Variants in HERPUD2 observed in about 807,000 individuals in gnomAD.
HERPUD2 encodes the protein HERPUD family member 2, also known as homocysteine-responsive endoplasmic reticulum-resident ubiquitin-like domain member 2 protein.
A neutral mutation model predicts 49.9 loss-of-function variants in HERPUD2; 13 were observed. The observed-to-expected ratio is 0.26, with a 90% CI of 0.17 to 0.41. HERPUD2 has a LOEUF of 0.41. Ranked by LOEUF, HERPUD2 falls within the 10% of genes least tolerant of loss-of-function variation. The pLI is 1.00. For synonymous variants in HERPUD2, 172 were observed against 171.4 expected (o/e 1.00, Z -0.03); for missense variants, 449 against 492.2 (o/e 0.91, Z 0.83).
At chr7:35,645,813 CATTTT>C in intron 5 of HERPUD2, among the ~76,000 whole-genome samples, 1 of 152,292 alleles carries the variant, frequency 6.6e-6, no homozygotes, top group South Asian at 2.1e-4. Flanking sequence ...TGTGTAAGCA[CATTTT>C]ATCTCTAGAA....
At chr7:35,645,484 T>C (rs530790168) in intron 5 of HERPUD2, among the ~76,000 whole-genome samples, 51 of 152,280 alleles carry the variant, frequency 3.3e-4, no homozygotes, top group African/African-American at 1.1e-3. Context: ...TCTTGTGTAT[T>C]AATGTGGTGC....
rs754717935 is a variant in HERPUD2, at chr7:35,694,242, A to G, written c.89T>C (p.Leu30Ser). The part of the protein sequence containing the change: ...KYSDQTISCF[L>S]NWTVGKLKTH... Reference sequence around the variant, plus strand: ...TTTTAGTTTCCCCACGGTCCAGTTCAAGAAGCAGCTAATAGTCTGGTCACT... The same window carrying G: ...TTTTAGTTTCCCCACGGTCCAGTTCGAGAAGCAGCTAATAGTCTGGTCACT... The change falls in exon 2 of 9, where the codon TTG becomes TCG. Residue 30 changes from leucine (L) to serine (S), a missense_variant. Transcript: ENST00000311350. 5 of 1,614,136 alleles carry G rather than the reference A, an allele frequency of 3.1e-6. No individual in the cohort carries two copies. In the South Asian group the frequency reaches 5.5e-5, roughly 18 times the overall value.
intron 3 of HERPUD2, among the ~76,000 whole-genome samples, chr7:35,671,101 G>C (rs1320449894): frequency 3.3e-5 from 5 of 151,978 alleles, no homozygotes; most frequent in Non-Finnish European, 5.9e-5. Flanking sequence ...GGAGCAGAAA[G>C]AAAGATAACC....
chr7:35,690,160 A>T (rs1786147513), intron 2 of HERPUD2, among the ~76,000 whole-genome samples: 1 of 152,218 alleles, frequency 6.6e-6, no homozygotes, highest in Non-Finnish European at 1.5e-5. Flanking sequence ...AGTGCAGCCC[A>T]ATTTCAGGAT....
chr7:35,686,698 G>A (rs1478278500), intron 2 of HERPUD2, among the ~76,000 whole-genome samples: 3 of 74,588 alleles, frequency 4.0e-5, no homozygotes, highest in Non-Finnish European at 7.1e-5. Flanking sequence ...CAGCCTGGGC[G>A]ACAGAACGAC....
At chr7:35,650,185 A>G (rs1000286267) in intron 5 of HERPUD2, among the ~76,000 whole-genome samples, 8 of 152,196 alleles carry the variant, frequency 5.3e-5, no homozygotes, top group Non-Finnish European at 1.2e-4. Context: ...CTTCCAGTAG[A>G]TCACCTAAGG....
intron 5 of HERPUD2, among the ~76,000 whole-genome samples, chr7:35,659,847 T>C (rs1785371367): frequency 6.6e-6 from 1 of 152,160 alleles, no homozygotes; most frequent in Non-Finnish European, 1.5e-5. Context: ...TTTTTTCTTT[T>C]TTCCTGTTCT....
chr7:35,651,734 A>G (rs574843119), intron 5 of HERPUD2, among the ~76,000 whole-genome samples: 5 of 151,294 alleles, frequency 3.3e-5, no homozygotes, highest in South Asian at 4.2e-4. Flanking sequence ...GATTCCAGTG[A>G]AAAAAAAAAT....
At chr7:35,678,624 T>C (rs1785816171) in intron 2 of HERPUD2, among the ~76,000 whole-genome samples, 1 of 152,172 alleles carries the variant, frequency 6.6e-6, no homozygotes, top group African/African-American at 2.4e-5. Context: ...TAAAATGACA[T>C]TTATAAATCA....
At chr7:35,673,323 C>G in intron 2 of HERPUD2, 45 bp from the exon 3 acceptor site, 1 of 1,458,012 alleles carries the variant, frequency 6.9e-7, no homozygotes. Context: ...TCTAATTATG[C>G]AAATTGAAGG....
chr7:35,656,221 C>T (rs1785272220), intron 5 of HERPUD2, among the ~76,000 whole-genome samples: 1 of 151,622 alleles, frequency 6.6e-6, no homozygotes, highest in Non-Finnish European at 1.5e-5. Context: ...ATCCCCCTTA[C>T]AATAGCTACA....
chr7:35,677,401 C>T (rs946543342), intron 2 of HERPUD2, among the ~76,000 whole-genome samples: 2 of 152,112 alleles, frequency 1.3e-5, no homozygotes, highest in East Asian at 1.9e-4. Flanking sequence ...TTCATTATTA[C>T]GTATAGTGTC....
chr7:35,665,579 G>GC (rs1412839123), intron 5 of HERPUD2, among the ~76,000 whole-genome samples: 1 of 152,232 alleles, frequency 6.6e-6, no homozygotes, highest in Non-Finnish European at 1.5e-5. Flanking sequence ...GTGAGGCGAT[G>GC]CCCCGCCCTG....
intron 5 of HERPUD2, among the ~76,000 whole-genome samples, chr7:35,643,154 A>AT (rs996000848): frequency 2.0e-5 from 3 of 152,150 alleles, no homozygotes. Flanking sequence ...TAGCTCATTA[A>AT]TTTTTTTAAA....
intron 3 of HERPUD2, among the ~76,000 whole-genome samples, chr7:35,671,226 CCT>C (rs1785637888): frequency 1.3e-5 from 2 of 152,072 alleles, no homozygotes; most frequent in Admixed American, 1.3e-4. Flanking sequence ...TACAACAGGC[CCT>C]TCCTTAAAGA....
intron 2 of HERPUD2, among the ~76,000 whole-genome samples, chr7:35,680,213 C>T (rs1346687384): frequency 6.6e-6 from 1 of 151,880 alleles, no homozygotes; most frequent in Non-Finnish European, 1.5e-5. Flanking sequence ...TCAAGACCAG[C>T]CTGGGCAACA....
In HERPUD2 at chr7:35,638,412, C is replaced by A. The variant is rs148883595; in HGVS notation, c.555G>T (p.Ala185=). ...AAPPGFPVYP[A]FSPLQMLWWQ... ...ACCATAGCATCTGCAGTGGGCTAAA[C>A]GCGGGATACACTGGGAATCCAGGTG... Residue 185 remains alanine (A), a synonymous_variant, in exon 6 of 9, where the codon GCG becomes GCT. Coordinates refer to ENST00000311350, the MANE Select transcript of HERPUD2 (RefSeq NM_022373.5). 6.2e-7 allele frequency: 1 copy of A among 1,613,548 alleles called. No individual in the cohort carries two copies. The highest frequency in any genetic ancestry group is 8.5e-7 in the Non-Finnish European group (1 of 1,179,590).
chr7:35,676,626 C>A (rs1431359794), intron 2 of HERPUD2, among the ~76,000 whole-genome samples: 1 of 152,120 alleles, frequency 6.6e-6, no homozygotes, highest in Admixed American at 6.5e-5. Flanking sequence ...CTGATTTTTA[C>A]TTGTCATTAC....
chr7:35,685,687 A>G (rs1786024402), intron 2 of HERPUD2, among the ~76,000 whole-genome samples: 1 of 152,072 alleles, frequency 6.6e-6, no homozygotes, highest in African/African-American at 2.4e-5. Context: ...AATTTAATTT[A>G]AATATCAGGG....
Sources: allele counts gnomAD v4.1 joint callset (sites outside exome capture counted in the v4.1 genomes callset), GRCh38; gene constraint gnomAD v4.1.1; transcripts MANE v1.5; gene names NCBI Gene and HGNC (gene_info 2026-07-23, HGNC 2026-07-21).